The following TRPC1 variants were observed in gnomAD, a reference collection of about 807,000 sequenced individuals.
TRPC1 encodes transient receptor potential cation channel subfamily C member 1.
Under a neutral mutation model 88.2 loss-of-function variants are expected in TRPC1, and 42 were observed. The observed-to-expected ratio is 0.48, with a 90% CI of 0.37 to 0.62. The LOEUF (loss-of-function observed/expected upper bound fraction) is 0.62. TRPC1 is among the 20% of genes least tolerant of loss of function. The pLI is 0.00. For synonymous variants in TRPC1, 288 were observed against 331.8 expected, an observed-to-expected ratio of 0.87 and a Z score of 1.43; for missense variants, 699 against 957.3, an observed-to-expected ratio of 0.73 and a Z score of 3.56.
intron 12 of TRPC1, among the ~76,000 whole-genome samples, 170 bp downstream of exon 12, chr3:142,804,800 C>T (rs1184657616): frequency 5.9e-5 from 9 of 152,188 alleles, no homozygotes; most frequent in African/African-American, 2.2e-4. Flanking sequence ...AGTAAGGATT[C>T]AATAAATACT....
At chr3:142,755,287 TG>T (rs1392638787) in intron 4 of TRPC1, among the ~76,000 whole-genome samples, 1 of 152,032 alleles carries the variant, frequency 6.6e-6, no homozygotes, top group Non-Finnish European at 1.5e-5. Context: ...TAGCCGGGTG[TG>T]GTGGCAGGCA....
intron 4 of TRPC1, among the ~76,000 whole-genome samples, chr3:142,750,429 G>A (rs888801667): frequency 4.6e-5 from 7 of 152,194 alleles, no homozygotes; most frequent in Non-Finnish European, 8.8e-5. Flanking sequence ...ATTCTGGAGA[G>A]GATGTGGAGA....
intron 12 of TRPC1, among the ~76,000 whole-genome samples, chr3:142,805,115 AACAAAT>A (rs146928591): frequency 2.8e-4 from 30 of 106,840 alleles, no homozygotes; most frequent in East Asian, 5.4e-4. Context: ...CAAACAAACA[AACAAAT>A]ATATATATAC....
intron 9 of TRPC1, among the ~76,000 whole-genome samples, chr3:142,793,340 T>G (rs2108144799): frequency 6.6e-6 from 1 of 152,208 alleles, no homozygotes; most frequent in East Asian, 1.9e-4. Flanking sequence ...AAGGAGGACC[T>G]GTGCAAACAA....
chr3:142,791,196 GT>G, intron 8 of TRPC1, 38 bp downstream of exon 8: 1 of 1,556,394 alleles, frequency 6.4e-7, no homozygotes, highest in Non-Finnish European at 8.7e-7. Context: ...CACAAATTAA[GT>G]TTATTTTGGA....
At chr3:142,778,036 G>A (rs967326172) in intron 5 of TRPC1, among the ~76,000 whole-genome samples, 3 of 152,140 alleles carry the variant, frequency 2.0e-5, no homozygotes, top group Non-Finnish European at 4.4e-5. Flanking sequence ...TTGTAGAGCA[G>A]TATGAAATAC....
In TRPC1 at chr3:142,792,457, G is replaced by A. The variant is rs1482738010; in HGVS notation, c.1438-367G>A. On this transcript the variant is annotated intron_variant, in intron 8 of 12. Coordinates refer to ENST00000476941, the MANE Select transcript of TRPC1 (RefSeq NM_001251845.2). This position sits in a 1 kb window ranked among gnomAD's most constrained non-coding sequence, Gnocchi z 4.0. ...TTCCAAGTCAAAGCAGTAGGTTAATGTAATATGATAGGGAATTAATTGACA... is the reference window on the plus strand; with the variant it reads ...TTCCAAGTCAAAGCAGTAGGTTAATATAATATGATAGGGAATTAATTGACA... 6.6e-6 allele frequency among the ~76,000 whole-genome samples: 1 copy of A among 151,952 alleles called. No individual in the cohort carries two copies. The highest frequency in any genetic ancestry group is 1.5e-5 in the Non-Finnish European group (1 of 67,926).
At chr3:142,757,771 C>A (rs1276677352) in intron 4 of TRPC1, among the ~76,000 whole-genome samples, 1 of 152,028 alleles carries the variant, frequency 6.6e-6, no homozygotes, top group East Asian at 1.9e-4. Context: ...TGTAACAAAT[C>A]TGCACGTTCT....
chr3:142,735,291 T>C (rs1228649039), intron 1 of TRPC1, among the ~76,000 whole-genome samples: 1 of 152,226 alleles, frequency 6.6e-6, no homozygotes, highest in Non-Finnish European at 1.5e-5. Flanking sequence ...CTGTCTTTCT[T>C]ACTCACTTAT....
Position 142,748,517 on chromosome 3 carries a change from T to A in TRPC1, c.632+57T>A. The A allele has an allele frequency of 3.8e-6, 6 of 1,561,328 alleles. No homozygotes were observed. The Middle Eastern group carries it at 1.0e-3, about 264-fold the overall frequency. ...TGTGATATATATCAACAATGTTGAT[T>A]TTTAAAATTGGTATTCTTTCTATGC... is the stretch of plus-strand genomic sequence containing the variant. On this transcript the variant is annotated intron_variant, in intron 4 of 12. Transcript: ENST00000476941.
intron 4 of TRPC1, among the ~76,000 whole-genome samples, chr3:142,763,710 AT>A (rs1935270275): frequency 6.6e-6 from 1 of 151,838 alleles, no homozygotes; most frequent in African/African-American, 2.4e-5. Context: ...TACTGCAACC[AT>A]TTTATTGCTT....
intron 6 of TRPC1, among the ~76,000 whole-genome samples, chr3:142,784,080 G>A (rs756838413): frequency 1.3e-5 from 2 of 151,878 alleles, no homozygotes; most frequent in East Asian, 1.9e-4. Context: ...TAAGAAATCC[G>A]CAGTGCTTTC....
In TRPC1 at chr3:142,806,146, C is replaced by T. The variant is rs1156677123; in HGVS notation, c.2293C>T (p.Arg765Cys). The change falls in exon 13 of 13, where the codon CGC (arginine) becomes TGC (cysteine). Residue 765 changes from arginine (R) to cysteine (C), a missense_variant. By Grantham distance (180) the Arg-to-Cys change is radical. This residue lies in a region of TRPC1 where 105 missense variants were observed against 141.7 expected (regional missense o/e 0.74). Coordinates refer to ENST00000476941, the MANE Select transcript of TRPC1 (RefSeq NM_001251845.2). Reference sequence around the variant, plus strand: ...AACTGTGGAAAATCTAAACGAACTGCGCCAAGATCTGTCAAAATTCCGAAA... The same window carrying T: ...AACTGTGGAAAATCTAAACGAACTGTGCCAAGATCTGTCAAAATTCCGAAA... Reference protein sequence around the residue: ...QATVENLNELRQDLSKFRNEI... With the variant: ...QATVENLNELCQDLSKFRNEI... 11 of 1,613,650 alleles carry T rather than the reference C, an allele frequency of 6.8e-6. No individual in the cohort carries two copies. The highest frequency in any genetic ancestry group is 5.0e-5 in the Admixed American group (3 of 59,948).
chr3:142,762,016 T>C (rs899656447), intron 4 of TRPC1, among the ~76,000 whole-genome samples: 16 of 152,106 alleles, frequency 1.1e-4, no homozygotes, highest in African/African-American at 3.9e-4. Context: ...CAGTTTTTCA[T>C]TTCATTGATC....
chr3:142,743,401 A>G lies in TRPC1; in HGVS notation c.328-84A>G, dbSNP rs187718085. On this transcript the variant is annotated intron_variant, in intron 2 of 12. Coordinates refer to ENST00000476941, the MANE Select transcript of TRPC1 (RefSeq NM_001251845.2). ...TATATAATACAGTTTAAATTTTTAA[A>G]AAGTTTTATTTATGAATTAGTAAAA... The G allele has an allele frequency of 1.4e-4, 160 of 1,112,834 alleles. No homozygotes were observed. In the Middle Eastern group the frequency reaches 8.4e-3, roughly 58 times the overall value. The allele number at this position is 1,112,834 out of a possible 1,614,324, so 68.9% of individuals were successfully genotyped here.
At chr3:142,736,306 T>A in intron 1 of TRPC1, 73 bp from the exon 2 acceptor site, 1 of 1,186,842 alleles carries the variant, frequency 8.4e-7, no homozygotes, top group Admixed American at 3.0e-5. Flanking sequence ...TTCAACAAGC[T>A]AAGTTTTTCT....
intron 11 of TRPC1, 21 bp from the exon 12 acceptor site, chr3:142,804,415 T>C: frequency 6.3e-7 from 1 of 1,586,566 alleles, no homozygotes; most frequent in African/African-American, 1.4e-5. Context: ...TAGTTTGCTT[T>C]TTAATTTGCC....
chr3:142,793,382 C>T (rs1936353681), intron 9 of TRPC1, among the ~76,000 whole-genome samples: 1 of 151,856 alleles, frequency 6.6e-6, no homozygotes, highest in Non-Finnish European at 1.5e-5. Context: ...TTTGAATAAG[C>T]TGGATTTAAA....
At chr3:142,783,078 C>T (rs1319167782) in intron 6 of TRPC1, among the ~76,000 whole-genome samples, 1 of 152,194 alleles carries the variant, frequency 6.6e-6, no homozygotes, top group Admixed American at 6.5e-5. Flanking sequence ...CCTTCCCCAC[C>T]TCTTGATGAT....
Sources: gnomAD v4.1 joint callset for allele counts (sites outside exome capture counted in the v4.1 genomes callset) on GRCh38, gnomAD v4.1.1 for gene constraint, gnomAD v4.1.1 regional missense constraint, Gnocchi (gnomAD v3.1) non-coding constraint, MANE v1.5 for transcripts, NCBI Gene and HGNC (gene_info 2026-07-23, HGNC 2026-07-21) for gene names.